Variants in ABL1 observed in about 807,000 individuals in gnomAD.
The protein encoded by ABL1 is tyrosine-protein kinase ABL1.
A neutral mutation model predicts 94.7 loss-of-function variants in ABL1; 11 were observed. That is an observed-to-expected ratio of 0.12 (90% CI 0.07 to 0.19). The LOEUF (loss-of-function observed/expected upper bound fraction) is 0.19, where lower values mean the gene tolerates loss of function less well. ABL1 is among the 10% of genes least tolerant of loss of function. The pLI, the probability that ABL1 is intolerant of heterozygous loss-of-function variation, is 1.00. For synonymous variants in ABL1, 656 were observed against 622.4 expected, an observed-to-expected ratio of 1.05 and a Z score of -0.80; for missense variants, 1,082 against 1,489.4, an observed-to-expected ratio of 0.73 and a Z score of 4.50.
intron 1 of ABL1, among the ~76,000 whole-genome samples, chr9:130,746,391 C>T (rs1831888458): frequency 6.6e-6 from 1 of 151,832 alleles, no homozygotes; most frequent in Non-Finnish European, 1.5e-5. Context: ...ACCATCGCCA[C>T]CACAGGACAT....
intron 8 of ABL1, among the ~76,000 whole-genome samples, chr9:130,879,256 ATATCT>A (rs1388492629): frequency 6.6e-6 from 1 of 152,212 alleles, no homozygotes; most frequent in East Asian, 1.9e-4. Context: ...ATGTTTTCAT[ATATCT>A]TATAAGGTAT....
At chr9:130,752,216 G>C (rs546526090) in intron 1 of ABL1, among the ~76,000 whole-genome samples, 1 of 152,294 alleles carries the variant, frequency 6.6e-6, no homozygotes, top group African/African-American at 2.4e-5. Flanking sequence ...TCTGAAGGCA[G>C]GCAGGCCTAG....
At chr9:130,766,588 C>T (rs971412345) in intron 1 of ABL1, among the ~76,000 whole-genome samples, 1 of 152,248 alleles carries the variant, frequency 6.6e-6, no homozygotes, top group East Asian at 1.9e-4. Flanking sequence ...TGCCTTAGGA[C>T]TTGGGGACAA....
chr9:130,868,930 G>A (rs1311205962), intron 4 of ABL1, among the ~76,000 whole-genome samples: 3 of 152,152 alleles, frequency 2.0e-5, no homozygotes, highest in African/African-American at 7.2e-5. Context: ...CACTCTGGGA[G>A]GCCGAGGAGG....
At chr9:130,762,099 C>T (rs1203574674) in intron 1 of ABL1, among the ~76,000 whole-genome samples, 3 of 146,814 alleles carry the variant, frequency 2.0e-5, no homozygotes, top group Non-Finnish European at 3.0e-5. Flanking sequence ...CCCAAGATCA[C>T]GCCATTGCAC....
At position 130,728,546 on chromosome 9, in the gene ABL1, C is replaced by T. The variant is rs144883487; in HGVS notation, c.136+14091C>T. Among the ~76,000 whole-genome samples the T allele has an allele frequency of 1.5e-3, 227 of 151,686 alleles. 1 individual carries two copies. The highest frequency in any genetic ancestry group is 4.9e-3 in the African/African-American group (201 of 41,344). On this transcript the variant is annotated intron_variant, in intron 1 of 10. Coordinates refer to the ABL1 transcript ENST00000372348. ...GACTACAGGCGCCTGCCACCACGCCCGGCTAATTTTTTTGTATGTTTTTTT... is the reference window on the plus strand; with the variant it reads ...GACTACAGGCGCCTGCCACCACGCCTGGCTAATTTTTTTGTATGTTTTTTT...
intron 1 of ABL1, among the ~76,000 whole-genome samples, chr9:130,762,726 AC>A (rs1368523992): frequency 1.3e-5 from 2 of 152,004 alleles, no homozygotes. Flanking sequence ...CCTGGCTAAC[AC>A]GGTGAAACCC....
chr9:130,773,338 A>T (rs569774042), intron 1 of ABL1, among the ~76,000 whole-genome samples: 14 of 152,302 alleles, frequency 9.2e-5, no homozygotes, highest in South Asian at 2.1e-4. Flanking sequence ...AAAAAAATTT[A>T]AAAAATAAAT....
At chr9:130,727,760 C>CG (rs1203028133) in intron 1 of ABL1, among the ~76,000 whole-genome samples, 1 of 135,576 alleles carries the variant, frequency 7.4e-6, no homozygotes, top group African/African-American at 3.2e-5. Context: ...CGCCCCCCCC[C>CG]CCCAAAAAAA....
intron 1 of ABL1, among the ~76,000 whole-genome samples, chr9:130,723,060 T>G (rs1191813995): frequency 6.6e-6 from 1 of 152,170 alleles, no homozygotes; most frequent in African/African-American, 2.4e-5. Flanking sequence ...CCCATAGGAA[T>G]GTGTCGGGCA....
chr9:130,884,966 G>C lies in ABL1; in HGVS notation c.2676G>C (p.Leu892Phe). The stretch of plus-strand genomic sequence containing the variant: ...CGCCAGGGAGGGACAAGGGGAAATT[G>C]TCCAGGCTCAAACCTGCCCCGCCGC... ...SESPGRDKGKLSRLKPAPPPP... is the reference protein window; with the variant it reads ...SESPGRDKGKFSRLKPAPPPP... The change falls in exon 11 of 11, where the codon TTG becomes TTC. Residue 892 changes from leucine to phenylalanine, a missense_variant. By Grantham distance (22) the Leu-to-Phe change is conservative. Coordinates refer to ENST00000318560, the MANE Select transcript of ABL1 (RefSeq NM_005157.6). This position sits in a 1 kb window ranked among gnomAD's most constrained non-coding sequence, Gnocchi z 5.6. 6.2e-7 allele frequency: 1 copy of C among 1,611,268 alleles called. No individual in the cohort carries two copies. Among genetic ancestry groups the C allele is most frequent in the Non-Finnish European group, 8.5e-7 (1 of 1,179,506 alleles).
chr9:130,798,239 C>A (rs1264903218), intron 1 of ABL1, among the ~76,000 whole-genome samples: 1 of 152,114 alleles, frequency 6.6e-6, no homozygotes, highest in Non-Finnish European at 1.5e-5. Context: ...TTCCACATTG[C>A]AGTTTTGAAA....
intron 1 of ABL1, among the ~76,000 whole-genome samples, chr9:130,800,725 A>G (rs1169425136): frequency 6.6e-6 from 1 of 152,022 alleles, no homozygotes; most frequent in East Asian, 1.9e-4. Flanking sequence ...ATGTATTTAC[A>G]TTTCCTCTTT....
At chr9:130,800,493 G>A (rs969186170) in intron 1 of ABL1, among the ~76,000 whole-genome samples, 1 of 151,300 alleles carries the variant, frequency 6.6e-6, no homozygotes, top group Admixed American at 6.6e-5. Flanking sequence ...CCAAAAAACA[G>A]TTCTCTCAAC....
At chr9:130,817,735 T>A (rs1000448982) in intron 1 of ABL1, among the ~76,000 whole-genome samples, 1 of 152,222 alleles carries the variant, frequency 6.6e-6, no homozygotes, top group Non-Finnish European at 1.5e-5. Context: ...AACAAGCATT[T>A]CTAACAGATC....
Position 130,885,509 on chromosome 9 carries a change from C to T in ABL1, c.3219C>T (p.Ser1073=). The change falls in exon 11 of 11, where the codon TCC becomes TCT. Residue 1073 remains serine, a synonymous_variant. Transcript: ENST00000318560. ...LYTFCVSYVD[S]IQQMRNKFAF... ...CGTTCTGCGTGAGCTATGTGGATTC[C>T]ATCCAGCAAATGAGGAACAAGTTTG... The T allele has an allele frequency of 6.2e-7, 1 of 1,614,184 alleles. No homozygotes were observed. The highest frequency in any genetic ancestry group is 8.5e-7 in the Non-Finnish European group (1 of 1,180,050).
chr9:130,746,389 C>T (rs1457813971), intron 1 of ABL1, among the ~76,000 whole-genome samples: 1 of 151,838 alleles, frequency 6.6e-6, no homozygotes, highest in African/African-American at 2.4e-5. Context: ...CTACCATCGC[C>T]ACCACAGGAC....
At chr9:130,731,999 C>T (rs967128064) in intron 1 of ABL1, among the ~76,000 whole-genome samples, 2 of 151,332 alleles carry the variant, frequency 1.3e-5, no homozygotes, top group Non-Finnish European at 2.9e-5. Context: ...TGCTTCTTTC[C>T]AATTCACCTT....
chr9:130,770,780 G>A (rs1309522245), intron 1 of ABL1, among the ~76,000 whole-genome samples: 2 of 152,122 alleles, frequency 1.3e-5, no homozygotes, highest in Non-Finnish European at 2.9e-5. Context: ...TCACATAAAA[G>A]AGAAGAGATG....
Sources: gnomAD v4.1 joint callset for allele counts (sites outside exome capture counted in the v4.1 genomes callset) on GRCh38, gnomAD v4.1.1 for gene constraint, Gnocchi (gnomAD v3.1) non-coding constraint, MANE v1.5 for transcripts, NCBI Gene and HGNC (gene_info 2026-07-23, HGNC 2026-07-21) for gene names.